IPP: variants seen among roughly 807,000 people sequenced by gnomAD.
IPP encodes the protein intracisternal A particle-promoted polypeptide.
Under a neutral mutation model 64.1 loss-of-function variants are expected in IPP, and 41 were observed. The observed-to-expected ratio is 0.64, with a 90% CI of 0.50 to 0.83. The LOEUF (loss-of-function observed/expected upper bound fraction) is 0.83. IPP is among the 40% of genes least tolerant of loss of function. The probability of loss-of-function intolerance (pLI) is 0.00; values close to 1 mark genes in which losing one functional copy is unlikely to be tolerated. For synonymous variants in IPP, 214 were observed against 235.2 expected, an observed-to-expected ratio of 0.91 and a Z score of 0.83; for missense variants, 649 against 703.0, an observed-to-expected ratio of 0.92 and a Z score of 0.87.
At chr1:45,712,295 G>C (rs1410626413) in intron 8 of IPP, among the ~76,000 whole-genome samples, 1 of 84,630 alleles carries the variant, frequency 1.2e-5, no homozygotes, top group South Asian at 3.7e-4. Flanking sequence ...GCAAGACGAC[G>C]TCTAAAAAAA....
chr1:45,748,393 C>A (rs2148587863), intron 1 of IPP, among the ~76,000 whole-genome samples: 1 of 152,264 alleles, frequency 6.6e-6, no homozygotes, highest in Non-Finnish European at 1.5e-5. Flanking sequence ...AGGGGCTGGG[C>A]ACAGTGGCTC....
Position 45,727,632 on chromosome 1 carries a change from T to A in IPP, c.1047A>T (p.Gly349=). 1 of 1,530,606 alleles carries A rather than the reference T, an allele frequency of 6.5e-7. No individual in the cohort carries two copies. 94.8% of individuals were successfully genotyped at this position (1,530,606 alleles called of 1,614,324 possible). The part of the protein sequence containing the change: ...TVLGGMVYAI[G]GEKDSMIFDC... The stretch of plus-strand genomic sequence containing the variant: ...AAAATAAGACATTTTTATTATTACC[T>A]CCAATAGCGTAGACCATCCCTCCCA... Residue 349 remains glycine (G), a splice_region_variant and synonymous_variant, in exon 5 of 9, where the codon GGA becomes GGT. Transcript: ENST00000396478.
chr1:45,695,103 A>G (rs1303399928), downstream of IPP: 1 of 152,542 alleles, frequency 6.6e-6, no homozygotes, highest in African/African-American at 2.4e-5. Flanking sequence ...CATGTTGGAC[A>G]GGCTGGTCTA....
intron 3 of IPP, among the ~76,000 whole-genome samples, chr1:45,737,568 T>G (rs974339022): frequency 5.3e-5 from 8 of 151,136 alleles, no homozygotes; most frequent in African/African-American, 1.9e-4. Flanking sequence ...TCAAGTGACC[T>G]TCCCACCTCA....
At chr1:45,724,428 G>C (rs1175230573) in intron 5 of IPP, among the ~76,000 whole-genome samples, 5 of 151,914 alleles carry the variant, frequency 3.3e-5, no homozygotes, top group African/African-American at 1.2e-4. Context: ...GAGCGTCTCT[G>C]CCTGGCCGCC....
intron 4 of IPP, among the ~76,000 whole-genome samples, chr1:45,728,588 G>A (rs945289745): frequency 1.3e-5 from 2 of 151,574 alleles, no homozygotes; most frequent in African/African-American, 4.8e-5. Flanking sequence ...TCTGCCTCCT[G>A]GGCTCAAGTG....
chr1:45,703,245 C>T (rs377175814), intron 8 of IPP, among the ~76,000 whole-genome samples: 1 of 149,880 alleles, frequency 6.7e-6, no homozygotes, highest in Non-Finnish European at 1.5e-5. Flanking sequence ...TGCACTACCA[C>T]ACCTGGCTAA....
chr1:45,746,626 A>T (rs1399456923), intron 1 of IPP, among the ~76,000 whole-genome samples, 165 bp from the exon 2 acceptor site: 1 of 152,212 alleles, frequency 6.6e-6, no homozygotes, highest in Non-Finnish European at 1.5e-5. Flanking sequence ...TCAGAGAATG[A>T]AATAAGTAGG....
At chr1:45,704,939 A>T (rs1305293234) in intron 8 of IPP, among the ~76,000 whole-genome samples, 1 of 152,198 alleles carries the variant, frequency 6.6e-6, no homozygotes, top group Non-Finnish European at 1.5e-5. Context: ...TTTTTCTAGA[A>T]AATTCTGAAT....
intron 2 of IPP, among the ~76,000 whole-genome samples, chr1:45,743,456 G>A (rs1043053431): frequency 6.6e-6 from 1 of 151,950 alleles, no homozygotes; most frequent in Non-Finnish European, 1.5e-5. Context: ...ATGTGCGCCT[G>A]TAGTCTCAGC....
downstream of IPP, among the ~76,000 whole-genome samples, chr1:45,698,222 G>A (rs1372681454): frequency 6.6e-6 from 1 of 152,112 alleles, no homozygotes; most frequent in Non-Finnish European, 1.5e-5. Context: ...AATCCGGGAG[G>A]CGGAGGTTGC....
intron 8 of IPP, among the ~76,000 whole-genome samples, chr1:45,709,613 G>A (rs1458633675): frequency 6.6e-6 from 1 of 150,774 alleles, no homozygotes; most frequent in Non-Finnish European, 1.5e-5. Context: ...GGGAGGCTGA[G>A]GAGGGCAGAT....
rs376753212 is a variant in IPP at position 45,740,308 on chromosome 1, A to G, written c.724+593T>C. Among the ~76,000 whole-genome samples the G allele has an allele frequency of 3.0e-3, 460 of 152,208 alleles. 4 individuals carry two copies. The highest frequency in any genetic ancestry group is 0.022 in the East Asian group (115 of 5,172). On this transcript the variant is annotated intron_variant, in intron 3 of 8. Coordinates refer to ENST00000396478, the MANE Select transcript of IPP (RefSeq NM_005897.3). ...TCTATTCCACAAAACCGCCATTGTC[A>G]TCATGGCCCGTTCTCAATGAGCTGT...
intron 2 of IPP, 46 bp from the exon 3 acceptor site, chr1:45,741,378 A>C: frequency 1.6e-6 from 2 of 1,279,804 alleles, no homozygotes; most frequent in Non-Finnish European, 2.2e-6. Context: ...AAAAACAAAC[A>C]TTGGCTTACC....
chr1:45,732,311 G>A (rs1202547190), intron 3 of IPP, among the ~76,000 whole-genome samples: 6 of 125,504 alleles, frequency 4.8e-5, no homozygotes, highest in South Asian at 2.6e-4. Flanking sequence ...GCAGTGAGCC[G>A]AGATCATGCC....
At chr1:45,695,249 C>T (rs796114492), downstream of IPP, among the ~76,000 whole-genome samples, 23 of 152,288 alleles carry the variant, frequency 1.5e-4, no homozygotes, top group African/African-American at 5.1e-4. Flanking sequence ...ACTGCAGCCT[C>T]GACCTCCTGG....
chr1:45,735,669 C>T (rs61784821), intron 3 of IPP, among the ~76,000 whole-genome samples: 33,515 of 116,094 alleles, frequency 0.29, 4,755 homozygotes, highest in South Asian at 0.37. Context: ...CTTGCTCTGT[C>T]GCCAGGCTGG....
chr1:45,736,458 A>G (rs1372497712), intron 3 of IPP, among the ~76,000 whole-genome samples: 1 of 152,200 alleles, frequency 6.6e-6, no homozygotes, highest in African/African-American at 2.4e-5. Flanking sequence ...TTCATGTAAT[A>G]TAACTTAACC....
intron 3 of IPP, among the ~76,000 whole-genome samples, chr1:45,736,429 T>C (rs1017474764): frequency 1.3e-4 from 20 of 152,224 alleles, no homozygotes; most frequent in African/African-American, 4.1e-4. Flanking sequence ...ATATATACTA[T>C]GGAAAAAAAT....
Sources: gnomAD v4.1 joint callset for allele counts (sites outside exome capture counted in the v4.1 genomes callset) on GRCh38, gnomAD v4.1.1 for gene constraint, MANE v1.5 for transcripts, NCBI Gene and HGNC (gene_info 2026-07-23, HGNC 2026-07-21) for gene names.